The following DNAJB6 variants were observed in gnomAD, a reference collection of about 807,000 sequenced individuals.
DNAJB6 encodes dnaJ homolog subfamily B member 6.
DNAJB6 carries 16 observed loss-of-function variants against 42.7 expected under a neutral mutation model. That is an observed-to-expected ratio of 0.37 (90% CI 0.25 to 0.57). The LOEUF (loss-of-function observed/expected upper bound fraction) is 0.57, where lower values mean the gene tolerates loss of function less well. Ranked by LOEUF, DNAJB6 falls within the 20% of genes least tolerant of loss-of-function variation. The pLI is 0.74. For synonymous variants in DNAJB6, 170 were observed against 163.5 expected (o/e 1.04, Z -0.30); for missense variants, 347 against 416.8 (o/e 0.83, Z 1.46).
At chr7:157,411,781 G>A (rs1406947624) in intron 9 of DNAJB6, 1 of 152,192 alleles carries the variant, frequency 6.6e-6, no homozygotes, top group African/African-American at 2.4e-5. Flanking sequence ...AGAACTGGGC[G>A]GGTCTTCTCC....
At position 157,348,674 on chromosome 7, in the gene DNAJB6, C is replaced by T. The variant is rs115690051; in HGVS notation, c.-26-9873C>T. Among the ~76,000 whole-genome samples the T allele has an allele frequency of 2.6e-3, 401 of 152,264 alleles. 2 individuals are homozygous for T. The highest frequency in any genetic ancestry group is 0.017 in the Middle Eastern group (5 of 294). On this transcript the variant is annotated intron_variant, in intron 1 of 9. Transcript: ENST00000262177. ...TTAGAAGTTATCTTTCCACATACTC[C>T]TGTTGAGTTCACACCACCGCTTAAC...
At chr7:157,354,618 T>C (rs921354803) in intron 1 of DNAJB6, among the ~76,000 whole-genome samples, 47 of 152,058 alleles carry the variant, frequency 3.1e-4, no homozygotes, top group African/African-American at 9.9e-4. Flanking sequence ...GGATTACAGG[T>C]GTGTGCCACC....
At chr7:157,354,441 C>T (rs944092203) in intron 1 of DNAJB6, among the ~76,000 whole-genome samples, 2 of 151,964 alleles carry the variant, frequency 1.3e-5, no homozygotes, top group Non-Finnish European at 2.9e-5. Context: ...GCCGCTGTGC[C>T]CAGCTATTCA....
In DNAJB6 at chr7:157,416,287, G is replaced by A. The variant is rs544983219; in HGVS notation, c.*189G>A. On this transcript the variant is annotated 3_prime_UTR_variant, in exon 10 of 10. Transcript: ENST00000262177. ...AGACGGGGCTGACGGCACGGGTGGC[G>A]GGGACAGACGTTTGGGACTTGGCCG... The A allele has an allele frequency of 1.1e-4, 92 of 825,996 alleles. No individual in the cohort carries two copies. Among genetic ancestry groups the A allele is most frequent in the African/African-American group, 8.6e-4 (50 of 58,178 alleles). 51.2% of individuals were successfully genotyped at this position (825,996 alleles called of 1,614,324 possible).
chr7:157,348,948 T>A (rs985313827), intron 1 of DNAJB6, among the ~76,000 whole-genome samples: 32 of 152,222 alleles, frequency 2.1e-4, no homozygotes, highest in African/African-American at 7.7e-4. Context: ...TACTCTTGTT[T>A]TTCATTTCGT....
In DNAJB6 at chr7:157,361,778, A is replaced by G. The variant is rs149732756; in HGVS notation, c.66-1383A>G. Among the ~76,000 whole-genome samples the G allele has an allele frequency of 4.7e-3, 720 of 151,960 alleles. 4 individuals are homozygous for G. Among genetic ancestry groups the G allele is most frequent in the Middle Eastern group, 0.037 (11 of 294 alleles). On this transcript the variant is annotated intron_variant, in intron 2 of 9. Transcript: ENST00000262177. ...CATTCATTCATTCATTCATTCATGC[A>G]TTCATGTTGAGCCGGAGGCTCGCTC...
intron 1 of DNAJB6, among the ~76,000 whole-genome samples, chr7:157,353,633 TTTTG>T (rs1471551367): frequency 4.5e-5 from 6 of 133,050 alleles, no homozygotes; most frequent in South Asian, 2.2e-4. Flanking sequence ...ATGTATTTTT[TTTTG>T]TTTGTTTGTG....
chr7:157,401,652 C>T (rs1563148758), intron 8 of DNAJB6, among the ~76,000 whole-genome samples: 1 of 152,146 alleles, frequency 6.6e-6, no homozygotes, highest in African/African-American at 2.4e-5. Context: ...CAGCTTGTAA[C>T]AGGGGAAGTA....
intron 5 of DNAJB6, chr7:157,380,873 A>T (rs1363147796): frequency 6.6e-6 from 1 of 152,252 alleles, no homozygotes; most frequent in Non-Finnish European, 1.5e-5. Context: ...TTTGCTTCTC[A>T]CTATTTACTA....
At chr7:157,398,350 G>A (rs1801694682) in intron 8 of DNAJB6, among the ~76,000 whole-genome samples, 2 of 152,212 alleles carry the variant, frequency 1.3e-5, no homozygotes, top group African/African-American at 4.8e-5. Flanking sequence ...ATTTGTGTAA[G>A]TAGCGACTAA....
At chr7:157,341,449 T>C (rs1798375096) in intron 1 of DNAJB6, among the ~76,000 whole-genome samples, 1 of 152,228 alleles carries the variant, frequency 6.6e-6, no homozygotes, top group Non-Finnish European at 1.5e-5. Flanking sequence ...TAAGCTGTGT[T>C]GCAAAATTAC....
At chr7:157,400,296 C>T (rs201820213) in intron 8 of DNAJB6, among the ~76,000 whole-genome samples, 343 of 145,536 alleles carry the variant, frequency 2.4e-3, no homozygotes, top group East Asian at 5.8e-3. Flanking sequence ...CCCGCGCCTT[C>T]GTGTACGCAC....
intron 1 of DNAJB6, among the ~76,000 whole-genome samples, chr7:157,350,446 C>T (rs1391630000): frequency 6.6e-6 from 1 of 152,174 alleles, no homozygotes; most frequent in Non-Finnish European, 1.5e-5. Flanking sequence ...GAGACCCCCG[C>T]TCCCCAGCAT....
At chr7:157,396,913 GTGTGCT>G (rs1260402026) in intron 8 of DNAJB6, among the ~76,000 whole-genome samples, 2 of 152,178 alleles carry the variant, frequency 1.3e-5, no homozygotes, top group African/African-American at 4.8e-5. Context: ...CGACGCCACA[GTGTGCT>G]TTAGTTGGTT....
intron 4 of DNAJB6, among the ~76,000 whole-genome samples, 153 bp from the exon 5 acceptor site, chr7:157,367,220 A>G (rs1799888668): frequency 6.6e-6 from 1 of 152,234 alleles, no homozygotes; most frequent in Non-Finnish European, 1.5e-5. Flanking sequence ...CTGTCAGTAC[A>G]GGGCTCATGT....
intron 1 of DNAJB6, among the ~76,000 whole-genome samples, chr7:157,348,502 A>G (rs1798802103): frequency 6.6e-6 from 1 of 152,192 alleles, no homozygotes; most frequent in African/African-American, 2.4e-5. Context: ...CTTGCCTTGG[A>G]GAAGGACCCT....
chr7:157,370,718 C>G (rs1800165790), intron 5 of DNAJB6: 2 of 152,602 alleles, frequency 1.3e-5, no homozygotes, highest in Admixed American at 1.3e-4. Flanking sequence ...CCCTGTGTTT[C>G]CCATGATTAG....
At chr7:157,393,488 GTTGGGTTCTCTTGTACC>G (rs1475837594) in intron 8 of DNAJB6, among the ~76,000 whole-genome samples, 1 of 152,118 alleles carries the variant, frequency 6.6e-6, no homozygotes, top group Non-Finnish European at 1.5e-5. Context: ...ACATGGCACT[GTTGGGTTCTCTTGTACC>G]TTGATTTTAC....
intron 8 of DNAJB6, among the ~76,000 whole-genome samples, chr7:157,387,549 G>A (rs560943923): frequency 7.9e-5 from 12 of 152,228 alleles, no homozygotes; most frequent in African/African-American, 2.9e-4. Flanking sequence ...CAGTGCAGCA[G>A]CCTTGAGACA....
Sources: gnomAD v4.1 joint callset for allele counts (sites outside exome capture counted in the v4.1 genomes callset) on GRCh38, gnomAD v4.1.1 for gene constraint, MANE v1.5 for transcripts, NCBI Gene and HGNC (gene_info 2026-07-23, HGNC 2026-07-21) for gene names.